The following OSBPL1A variants were observed in gnomAD, a reference collection of about 807,000 sequenced individuals.
OSBPL1A encodes oxysterol-binding protein-related protein 1.
OSBPL1A carries 80 observed loss-of-function variants against 137.1 expected under a neutral mutation model. The ratio of observed to expected loss-of-function variants is 0.58; its 90% confidence interval spans 0.49 to 0.70. The LOEUF is 0.70. Among genes scored for constraint, OSBPL1A ranks in the 30% least tolerant of loss-of-function variants. The probability of loss-of-function intolerance (pLI) is 0.00; values close to 1 mark genes in which losing one functional copy is unlikely to be tolerated. For synonymous variants in OSBPL1A, 365 were observed against 389.7 expected (o/e 0.94, Z 0.75); for missense variants, 970 against 1,129.4 (o/e 0.86, Z 2.02).
chr18:24,315,943 A>G (rs1475806117), intron 11 of OSBPL1A, among the ~76,000 whole-genome samples: 1 of 141,080 alleles, frequency 7.1e-6, no homozygotes, highest in East Asian at 2.0e-4. Flanking sequence ...AATATTAATA[A>G]TATTAAGAGT....
At position 24,225,036 on chromosome 18, in the gene OSBPL1A, T is replaced by C; in HGVS notation, c.1601+6A>G. The C allele has an allele frequency of 6.2e-7, 1 of 1,614,082 alleles. No homozygotes were observed. The highest frequency in any genetic ancestry group is 1.1e-5 in the South Asian group (1 of 91,074). On this transcript the variant is annotated splice_donor_region_variant and intron_variant, in intron 17 of 27. Transcript: ENST00000319481. ...CAGCAGTGACAACTGTCAGAGGCGA[T>C]CCTACCTGTGTTTCTTGATGCCATT...
In OSBPL1A at chr18:24,317,130, G is replaced by A. The variant is rs912440017; in HGVS notation, c.870+19C>T. 8.1e-6 allele frequency: 13 copies of A among 1,612,840 alleles called. No individual in the cohort carries two copies. The African/African-American group carries it at 1.6e-4, about 20-fold the overall frequency. ...TGATTTCACAGTTAGAGGAGCAAAT[G>A]ATCCATGTTTCATCCTACCGTGCAT... On this transcript the variant is annotated intron_variant, in intron 11 of 27. Coordinates refer to ENST00000319481, the MANE Select transcript of OSBPL1A (RefSeq NM_080597.4).
Position 24,225,092 on chromosome 18 carries a change from T to C in OSBPL1A, c.1551A>G (p.Glu517=). The stretch of plus-strand genomic sequence containing the variant: ...GAGCATCTCCGCCACCACAGTCTTT[T>C]TCTTCGGACATTCTGTGTTTTCTAC... ...LGSRKHRMSE[E]KDCGGGDALS... is the part of the protein sequence containing the mutation. Residue 517 remains glutamate (E), a synonymous_variant, in exon 17 of 28, where the codon GAA becomes GAG. Coordinates refer to ENST00000319481, the MANE Select transcript of OSBPL1A (RefSeq NM_080597.4). The C allele has an allele frequency of 6.2e-7, 1 of 1,614,230 alleles. No homozygotes were observed. Among genetic ancestry groups the C allele is most frequent in the Non-Finnish European group, 8.5e-7 (1 of 1,180,028 alleles).
rs275875 is a variant in OSBPL1A, at chr18:24,271,316, T to C, written c.1281+9526A>G. 0.47 allele frequency among the ~76,000 whole-genome samples: 71,655 copies of C among 151,996 alleles called. 18,101 individuals are homozygous for C. The highest frequency in any genetic ancestry group is 0.63 in the African/African-American group (26,143 of 41,440). Reference sequence around the variant, plus strand: ...CTTACTCCTCCCACTCCAGCCCTTCTTGACCTAATACCAATATTCAACTGA... The same window carrying C: ...CTTACTCCTCCCACTCCAGCCCTTCCTGACCTAATACCAATATTCAACTGA... On this transcript the variant is annotated intron_variant, in intron 15 of 27. Transcript: ENST00000319481. The surrounding 1 kb of genome is among the most constrained non-coding windows in gnomAD (Gnocchi z 4.0).
At chr18:24,164,413 AT>A (rs2086091643) in intron 27 of OSBPL1A, among the ~76,000 whole-genome samples, 1 of 128,176 alleles carries the variant, frequency 7.8e-6, no homozygotes, top group Non-Finnish European at 1.6e-5. Flanking sequence ...CAGTATGGAG[AT>A]TTTTGGTTTT....
rs530618542 is a variant in OSBPL1A at position 24,289,813 on chromosome 18, A to G, written c.1175-8865T>C. On this transcript the variant is annotated intron_variant, in intron 14 of 27. Transcript: ENST00000319481. ...AGCTCTGTGACCTTAAGTAAGTTAT[A>G]TAGGCTCCCTGTGCCTCAGTCAACT... Among the ~76,000 whole-genome samples the G allele has an allele frequency of 2.0e-5, 3 of 152,270 alleles. No homozygotes were observed. The South Asian group carries it at 6.2e-4, about 32-fold the overall frequency.
At chr18:24,348,766 T>C (rs916055791) in intron 4 of OSBPL1A, among the ~76,000 whole-genome samples, 2 of 151,690 alleles carry the variant, frequency 1.3e-5, no homozygotes, top group African/African-American at 4.8e-5. Context: ...AGACTGAGAC[T>C]GTCTCAAAAA....
intron 24 of OSBPL1A, 66 bp from the exon 25 acceptor site, chr18:24,167,511 A>G: frequency 7.7e-7 from 1 of 1,299,046 alleles, no homozygotes; most frequent in Non-Finnish European, 1.1e-6. Flanking sequence ...AGCACCACAT[A>G]ATGACATTTT....
chr18:24,239,108 A>G (rs1238706893), intron 16 of OSBPL1A, 112 bp downstream of exon 16: 1 of 1,300,484 alleles, frequency 7.7e-7, no homozygotes, highest in African/African-American at 1.5e-5. Flanking sequence ...TGTTTATTCC[A>G]GGAAACTCTA....
intron 16 of OSBPL1A, among the ~76,000 whole-genome samples, chr18:24,235,186 G>A (rs1218419928): frequency 6.6e-6 from 1 of 152,200 alleles, no homozygotes; most frequent in African/African-American, 2.4e-5. Flanking sequence ...CGGGATGAAC[G>A]TCAGCAGGCC....
At chr18:24,276,645 A>C (rs2089851417) in intron 15 of OSBPL1A, among the ~76,000 whole-genome samples, 1 of 151,934 alleles carries the variant, frequency 6.6e-6, no homozygotes, top group African/African-American at 2.4e-5. Context: ...GGGTTTCACC[A>C]TGTTAGCCAG....
intron 1 of OSBPL1A, among the ~76,000 whole-genome samples, chr18:24,380,605 A>G (rs376250570): frequency 1.3e-5 from 2 of 152,234 alleles, no homozygotes; most frequent in South Asian, 4.1e-4. Flanking sequence ...CAGCCTGGCT[A>G]AGGCCTGTTT....
At chr18:24,245,262 A>AT (rs34833793) in intron 15 of OSBPL1A, among the ~76,000 whole-genome samples, 1 of 150,782 alleles carries the variant, frequency 6.6e-6, no homozygotes, top group Non-Finnish European at 1.5e-5. Flanking sequence ...TGCCTAGCTA[A>AT]TTTTTTTTTC....
chr18:24,297,232 G>A (rs115301632), intron 14 of OSBPL1A, among the ~76,000 whole-genome samples: 117 of 152,210 alleles, frequency 7.7e-4, no homozygotes, highest in African/African-American at 2.8e-3. Context: ...GGAGGATTGT[G>A]TTTCCAAGAA....
At chr18:24,262,154 G>A (rs1205725928) in intron 15 of OSBPL1A, among the ~76,000 whole-genome samples, 2 of 152,100 alleles carry the variant, frequency 1.3e-5, no homozygotes, top group African/African-American at 2.4e-5. Context: ...ACTGATAATT[G>A]CATCATCAAA....
At chr18:24,163,707 T>G in intron 27 of OSBPL1A, among the ~76,000 whole-genome samples, 1 of 152,046 alleles carries the variant, frequency 6.6e-6, no homozygotes, top group East Asian at 1.9e-4. Context: ...AGGCACCTGG[T>G]TCAGTGTAAA....
chr18:24,277,790 C>T (rs2089877862), intron 15 of OSBPL1A, among the ~76,000 whole-genome samples: 1 of 152,140 alleles, frequency 6.6e-6, no homozygotes, highest in Non-Finnish European at 1.5e-5. Context: ...TGCCACTTAC[C>T]TTTCAAATAT....
chr18:24,264,758 G>A (rs368096744), intron 15 of OSBPL1A, among the ~76,000 whole-genome samples: 1 of 152,130 alleles, frequency 6.6e-6, no homozygotes, highest in African/African-American at 2.4e-5. Flanking sequence ...CATCCGCTTG[G>A]GCTGTCTAAA....
chr18:24,267,782 T>G (rs2089616971), intron 15 of OSBPL1A, among the ~76,000 whole-genome samples: 1 of 151,918 alleles, frequency 6.6e-6, no homozygotes, highest in South Asian at 2.1e-4. Context: ...TCTTTAAATC[T>G]GGTAAATGGT....
Sources: gnomAD v4.1 joint callset for allele counts (sites outside exome capture counted in the v4.1 genomes callset) on GRCh38, gnomAD v4.1.1 for gene constraint, Gnocchi (gnomAD v3.1) non-coding constraint, MANE v1.5 for transcripts, NCBI Gene and HGNC (gene_info 2026-07-23, HGNC 2026-07-21) for gene names.